MBNL3: variants seen among roughly 807,000 people sequenced by gnomAD.
The protein encoded by MBNL3 is muscleblind like splicing regulator 3.
MBNL3 carries 6 observed loss-of-function variants against 24.5 expected under a neutral mutation model. That is an observed-to-expected ratio of 0.25 (90% CI 0.13 to 0.48). The LOEUF is 0.48. Ranked by LOEUF, MBNL3 falls within the 20% of genes least tolerant of loss-of-function variation. The probability of loss-of-function intolerance (pLI) is 0.99; values close to 1 mark genes in which losing one functional copy is unlikely to be tolerated. For synonymous variants in MBNL3, 100 were observed against 101.7 expected, an observed-to-expected ratio of 0.98 and a Z score of 0.10; for missense variants, 230 against 293.5, an observed-to-expected ratio of 0.78 and a Z score of 1.58.
rs1433663197 is a variant in MBNL3 at position 132,372,925 on chromosome X, T to C, written c.*6741A>G. On this transcript the variant is annotated 3_prime_UTR_variant, in exon 9 of 9. Coordinates refer to ENST00000370853, the MANE Select transcript of MBNL3 (RefSeq NM_001386889.1). ...TAAAATTTCTCTTCAATAATCCAGC[T>C]TTTGAGTATTAGTGATTCTCTTACA... 1 of 111,305 alleles carries C rather than the reference T, an allele frequency of 9.0e-6. No individual in the cohort carries two copies. Among genetic ancestry groups the C allele is most frequent in the Non-Finnish European group, 1.9e-5 (1 of 52,963 alleles). The allele number at this position is 111,305 out of a possible 1,213,427, so 9.2% of individuals were successfully genotyped here. A position where few individuals can be genotyped will look rare whatever the true frequency, so the allele number is the denominator to read the frequency against.
intron 1 of MBNL3, among the ~76,000 whole-genome samples, chrX:132,444,838 T>C (rs1373484551): frequency 9.0e-6 from 1 of 111,444 alleles, no homozygotes; most frequent in African/African-American, 3.3e-5. Flanking sequence ...CACATTCTCA[T>C]GGAAGTTATC....
chrX:132,411,280 T>A (rs1411878730), intron 2 of MBNL3: 1 of 751,985 alleles, frequency 1.3e-6, no homozygotes, highest in Non-Finnish European at 1.6e-6. Context: ...GATAACAAGT[T>A]TGAATAGGCG....
chrX:132,466,412 T>A (rs981889613), intron 1 of MBNL3, among the ~76,000 whole-genome samples: 1 of 112,409 alleles, frequency 8.9e-6, no homozygotes, highest in Non-Finnish European at 1.9e-5. Flanking sequence ...TCTGCCTCTA[T>A]TAATTCCCCC....
intron 1 of MBNL3, among the ~76,000 whole-genome samples, chrX:132,477,731 C>A (rs1461889246): frequency 1.8e-5 from 2 of 111,799 alleles, no homozygotes; most frequent in African/African-American, 6.5e-5. Context: ...CTTATCTGTT[C>A]ATGTGAGTGA....
intron 2 of MBNL3, among the ~76,000 whole-genome samples, chrX:132,417,996 A>T (rs943308853): frequency 8.9e-6 from 1 of 111,983 alleles, no homozygotes; most frequent in Non-Finnish European, 1.9e-5. Context: ...AGACTCTTGC[A>T]TATAAGGTCA....
At chrX:132,464,467 C>A (rs1306847862) in intron 1 of MBNL3, among the ~76,000 whole-genome samples, 1 of 111,839 alleles carries the variant, frequency 8.9e-6, no homozygotes. Flanking sequence ...CTTCTCCTCA[C>A]AATTGCAAAG....
At chrX:132,486,132 C>T (rs112022430) in intron 1 of MBNL3, among the ~76,000 whole-genome samples, 11,038 of 111,867 alleles carry the variant, frequency 0.099, 584 homozygotes, top group Non-Finnish European at 0.15. Flanking sequence ...GTAAGCCTAT[C>T]AGGCAACATT....
intron 3 of MBNL3, among the ~76,000 whole-genome samples, chrX:132,397,668 T>C (rs144218451): frequency 1.6e-3 from 175 of 111,941 alleles, no homozygotes; most frequent in Middle Eastern, 0.014. Flanking sequence ...CAAGCATTTA[T>C]ATAATATAAA....
intron 1 of MBNL3, among the ~76,000 whole-genome samples, chrX:132,471,785 T>C (rs1324380670): frequency 1.8e-5 from 2 of 111,334 alleles, no homozygotes; most frequent in African/African-American, 3.2e-5. Flanking sequence ...TGTTTATTTG[T>C]GTGTGTACAT....
intron 2 of MBNL3, among the ~76,000 whole-genome samples, chrX:132,409,820 T>G (rs1942469629): frequency 8.9e-6 from 1 of 111,788 alleles, no homozygotes; most frequent in African/African-American, 3.3e-5. Context: ...GAGTGCAAGC[T>G]CATTTATGCT....
At position 132,403,543 on chromosome X, in the gene MBNL3, T is replaced by C. The variant is rs368708783; in HGVS notation, c.342+2685A>G. On this transcript the variant is annotated intron_variant, in intron 3 of 8. Coordinates refer to ENST00000370853, the MANE Select transcript of MBNL3 (RefSeq NM_001386889.1). ...TCATTGAAGAAAAGATAGGGAAACA[T>C]ATTCTAACATAGAAAGCATAGAGAA... Among the ~76,000 whole-genome samples the C allele has an allele frequency of 5.4e-5, 6 of 111,944 alleles. No individual in the cohort carries two copies. The East Asian group carries it at 1.7e-3, about 31-fold the overall frequency.
rs778611318 is a variant in MBNL3, at chrX:132,441,519, G to A, written c.-703-1205C>T. ...TACATGCAGGACCATGTTCTAGAGCGTTGAAGTTGCAGGCAAATGACTTCT... is the reference window on the plus strand; with the variant it reads ...TACATGCAGGACCATGTTCTAGAGCATTGAAGTTGCAGGCAAATGACTTCT... On this transcript the variant is annotated intron_variant, in intron 1 of 8. Coordinates refer to ENST00000370853, the MANE Select transcript of MBNL3 (RefSeq NM_001386889.1). Among the ~76,000 whole-genome samples the A allele has an allele frequency of 1.8e-4, 20 of 112,385 alleles. No individual in the cohort carries two copies. In the East Asian group the frequency reaches 2.0e-3, roughly 11 times the overall value.
chrX:132,386,846 A>G, intron 5 of MBNL3, 35 bp from the exon 6 acceptor site: 4 of 1,194,678 alleles, frequency 3.3e-6, no homozygotes, highest in Non-Finnish European at 4.5e-6. Flanking sequence ...TACTAGAGAA[A>G]GTAACAAATG....
At chrX:132,403,828 T>G (rs1461560756) in intron 3 of MBNL3, among the ~76,000 whole-genome samples, 1 of 111,640 alleles carries the variant, frequency 9.0e-6, no homozygotes, top group African/African-American at 3.3e-5. Context: ...CCTCGACCTT[T>G]GAAAAGATAA....
chrX:132,424,304 ATCT>A (rs1168518234), intron 2 of MBNL3, among the ~76,000 whole-genome samples: 1 of 112,282 alleles, frequency 8.9e-6, no homozygotes, highest in Non-Finnish European at 1.9e-5. Flanking sequence ...GAGTTTACAA[ATCT>A]TCTCTCTCCC....
rs1227238531 is a variant in MBNL3, at chrX:132,374,730, T to A, written c.*4936A>T. 2 of 111,896 alleles carry A rather than the reference T, an allele frequency of 1.8e-5. No homozygotes were observed. The highest frequency in any genetic ancestry group is 3.8e-5 in the Non-Finnish European group (2 of 52,995). The allele number at this position is 111,896 out of a possible 1,213,427, so 9.2% of individuals were successfully genotyped here. On this transcript the variant is annotated 3_prime_UTR_variant, in exon 9 of 9. Coordinates refer to ENST00000370853, the MANE Select transcript of MBNL3 (RefSeq NM_001386889.1). ...TGCAGCATATGTTTCTTAAACACTG[T>A]TAAGGGGTCATTCCACAGTATCTTT...
At chrX:132,405,455 A>C (rs1941630053) in intron 3 of MBNL3, among the ~76,000 whole-genome samples, 1 of 112,292 alleles carries the variant, frequency 8.9e-6, no homozygotes, top group Admixed American at 9.4e-5. Context: ...GCTTTTGACA[A>C]ATCTACCAGG....
intron 2 of MBNL3, among the ~76,000 whole-genome samples, chrX:132,435,539 T>G (rs2148429776): frequency 8.9e-6 from 1 of 112,113 alleles, no homozygotes; most frequent in East Asian, 2.8e-4. Flanking sequence ...AAAACTGCTG[T>G]GACTAGTGTT....
Position 132,372,690 on chromosome X carries a change from A to G in MBNL3, c.*6976T>C, listed in dbSNP as rs935455974. ...GGAACCATGCAGTTTTATGACAGAT[A>G]AATCTTTAGGTTGTGTGTTTTCAGA... On this transcript the variant is annotated 3_prime_UTR_variant, in exon 9 of 9. Coordinates refer to ENST00000370853, the MANE Select transcript of MBNL3 (RefSeq NM_001386889.1). 1.2e-4 allele frequency: 13 copies of G among 110,249 alleles called. No homozygotes were observed. Among genetic ancestry groups the G allele is most frequent in the Admixed American group, 4.9e-4 (5 of 10,259 alleles). The allele number at this position is 110,249 out of a possible 1,213,427, so 9.1% of individuals were successfully genotyped here. A position where few individuals can be genotyped will look rare whatever the true frequency, so the allele number is the denominator to read the frequency against.
Sources: gnomAD v4.1 joint callset for allele counts (sites outside exome capture counted in the v4.1 genomes callset) on GRCh38, gnomAD v4.1.1 for gene constraint, MANE v1.5 for transcripts, NCBI Gene and HGNC (gene_info 2026-07-23, HGNC 2026-07-21) for gene names.